SMURF2: variants seen among roughly 807,000 people sequenced by gnomAD.
SMURF2 encodes E3 ubiquitin-protein ligase SMURF2.
Under a neutral mutation model 109.6 loss-of-function variants are expected in SMURF2, and 48 were observed. That is an observed-to-expected ratio of 0.44 (90% confidence interval 0.35 to 0.56). The LOEUF (loss-of-function observed/expected upper bound fraction) is 0.56. Ranked by LOEUF, SMURF2 falls within the 20% of genes least tolerant of loss-of-function variation. The pLI, the probability that SMURF2 is intolerant of heterozygous loss-of-function variation, is 0.01. For synonymous variants in SMURF2, 288 were observed against 317.1 expected, an observed-to-expected ratio of 0.91 and a Z score of 0.97; for missense variants, 575 against 909.0, an observed-to-expected ratio of 0.63 and a Z score of 4.72.
chr17:64,644,780 C>T (rs551830820), intron 1 of SMURF2, among the ~76,000 whole-genome samples: 1 of 151,808 alleles, frequency 6.6e-6, no homozygotes, highest in East Asian at 1.9e-4. Context: ...GGCATGGTGG[C>T]GTGCCTGTGA....
At chr17:64,650,101 C>T (rs563585691) in intron 1 of SMURF2, among the ~76,000 whole-genome samples, 9 of 151,908 alleles carry the variant, frequency 5.9e-5, no homozygotes, top group Non-Finnish European at 1.0e-4. Flanking sequence ...AAACAAAATC[C>T]GTGGTCAAAA....
chr17:64,638,761 C>T (rs997617609), intron 1 of SMURF2, among the ~76,000 whole-genome samples: 25 of 152,298 alleles, frequency 1.6e-4, no homozygotes, highest in African/African-American at 5.1e-4. Flanking sequence ...TAGCTATGCA[C>T]GTTTATGTCA....
At chr17:64,598,619 AAT>A (rs1240042831) in intron 2 of SMURF2, 129 bp from the exon 3 acceptor site, 2 of 639,352 alleles carry the variant, frequency 3.1e-6, no homozygotes, top group African/African-American at 3.8e-5. Flanking sequence ...GCTATAAATG[AAT>A]AGTCCATTTT....
intron 14 of SMURF2, 85 bp downstream of exon 14, chr17:64,555,735 A>AT (rs1969109585): frequency 6.5e-6 from 6 of 928,630 alleles, no homozygotes; most frequent in African/African-American, 1.7e-5. Flanking sequence ...TTTCTGTGTA[A>AT]TTTTTTTAAG....
chr17:64,600,017 T>C (rs184660915), intron 2 of SMURF2, among the ~76,000 whole-genome samples: 10 of 152,182 alleles, frequency 6.6e-5, no homozygotes, highest in Admixed American at 6.5e-4. Context: ...CTGATTGAGG[T>C]AGATAACAGG....
At chr17:64,653,153 A>G (rs1359710694) in intron 1 of SMURF2, among the ~76,000 whole-genome samples, 4 of 152,168 alleles carry the variant, frequency 2.6e-5, no homozygotes, top group Admixed American at 6.5e-5. Flanking sequence ...TGCAAAGTAT[A>G]TATCTCATAA....
chr17:64,644,542 G>A (rs375660514), intron 1 of SMURF2, among the ~76,000 whole-genome samples: 1 of 149,080 alleles, frequency 6.7e-6, no homozygotes, highest in South Asian at 2.1e-4. Context: ...GCTGCAGTAA[G>A]CCATGATCAA....
chr17:64,596,084 G>A (rs868921010), intron 3 of SMURF2, among the ~76,000 whole-genome samples: 1 of 151,734 alleles, frequency 6.6e-6, no homozygotes, highest in African/African-American at 2.4e-5. Flanking sequence ...TGATTTTTTA[G>A]AGACATAGTA....
intron 9 of SMURF2, chr17:64,572,753 C>G (rs1406442934): frequency 1.3e-5 from 2 of 152,260 alleles, no homozygotes; most frequent in African/African-American, 4.8e-5. Context: ...TTGCCCTCCC[C>G]CCATACTGTG....
At chr17:64,643,232 A>G (rs1443344104) in intron 1 of SMURF2, among the ~76,000 whole-genome samples, 9 of 152,150 alleles carry the variant, frequency 5.9e-5, no homozygotes, top group African/African-American at 2.2e-4. Context: ...CATGTTGTCC[A>G]GGCTGGTCTC....
chr17:64,542,778 G>T lies in SMURF2; in HGVS notation c.*3070C>A, dbSNP rs1968892447. On this transcript the variant is annotated 3_prime_UTR_variant, in exon 19 of 19. Transcript: ENST00000262435. ...GAATTACATTGTATTTGAAAGAAGAGAATCTTGTGCTCCGGACTGTAAATA... is the reference window on the plus strand; with the variant it reads ...GAATTACATTGTATTTGAAAGAAGATAATCTTGTGCTCCGGACTGTAAATA... 1 of 152,158 alleles carries T rather than the reference G, an allele frequency of 6.6e-6. No individual in the cohort carries two copies. The highest frequency in any genetic ancestry group is 1.5e-5 in the Non-Finnish European group (1 of 68,038). The allele number at this position is 152,158 out of a possible 1,614,324, so 9.4% of individuals were successfully genotyped here.
chr17:64,558,573 C>T (rs1555684240), intron 12 of SMURF2, among the ~76,000 whole-genome samples: 1 of 152,050 alleles, frequency 6.6e-6, no homozygotes, highest in Non-Finnish European at 1.5e-5. Flanking sequence ...TGTATAAACC[C>T]TGAAACATAC....
intron 1 of SMURF2, among the ~76,000 whole-genome samples, chr17:64,630,425 C>T (rs1555691485): frequency 6.6e-6 from 1 of 151,994 alleles, no homozygotes; most frequent in Non-Finnish European, 1.5e-5. Context: ...TTAAATGCCA[C>T]AAAAGAAAAA....
intron 1 of SMURF2, among the ~76,000 whole-genome samples, chr17:64,643,094 G>A (rs1375252455): frequency 6.6e-6 from 1 of 152,012 alleles, no homozygotes; most frequent in African/African-American, 2.4e-5. Flanking sequence ...GCGCCATCAC[G>A]GTTCACTGCA....
chr17:64,651,537 A>G (rs1222352708), intron 1 of SMURF2, among the ~76,000 whole-genome samples: 1 of 151,750 alleles, frequency 6.6e-6, no homozygotes, highest in Non-Finnish European at 1.5e-5. Context: ...GTGCCACTGC[A>G]TTCCAGCCTG....
intron 2 of SMURF2, among the ~76,000 whole-genome samples, chr17:64,599,798 G>C (rs1555688396): frequency 6.6e-6 from 1 of 152,204 alleles, no homozygotes; most frequent in Non-Finnish European, 1.5e-5. Context: ...CTGTGCCGAA[G>C]GTTGGGGGCT....
intron 16 of SMURF2, 65 bp downstream of exon 16, chr17:64,551,519 A>C: frequency 6.5e-7 from 1 of 1,547,108 alleles, no homozygotes; most frequent in Non-Finnish European, 8.9e-7. Flanking sequence ...TCTAAAACTA[A>C]GTAACAAAAT....
intron 1 of SMURF2, among the ~76,000 whole-genome samples, chr17:64,624,358 G>C (rs1443238830): frequency 6.7e-6 from 1 of 150,350 alleles, no homozygotes; most frequent in Non-Finnish European, 1.5e-5. Flanking sequence ...TTTTGAGATG[G>C]AGTCTTGCTC....
intron 2 of SMURF2, among the ~76,000 whole-genome samples, chr17:64,599,568 G>A (rs1555688382): frequency 6.6e-6 from 1 of 152,194 alleles, no homozygotes; most frequent in African/African-American, 2.4e-5. Context: ...CGGTGGGAGA[G>A]TAAGCATTAC....
Sources: allele counts gnomAD v4.1 joint callset (sites outside exome capture counted in the v4.1 genomes callset), GRCh38; gene constraint gnomAD v4.1.1; transcripts MANE v1.5; gene names NCBI Gene and HGNC (gene_info 2026-07-23, HGNC 2026-07-21).